The following PDE1C variants were observed in gnomAD, a reference collection of about 807,000 sequenced individuals.
The protein encoded by PDE1C is phosphodiesterase 1C, also known as dual specificity calcium/calmodulin-dependent 3',5'-cyclic nucleotide phosphodiesterase 1C.
PDE1C carries 62 observed loss-of-function variants against 93.1 expected under a neutral mutation model. The observed-to-expected ratio is 0.67, with a 90% CI of 0.54 to 0.82. The LOEUF is 0.82. PDE1C is among the 40% of genes least tolerant of loss of function. PDE1C has a pLI of 0.00. For synonymous variants in PDE1C, 325 were observed against 310.1 expected (o/e 1.05, Z -0.50); for missense variants, 742 against 884.6 (o/e 0.84, Z 2.04).
At position 32,394,806 on chromosome 7, in the gene PDE1C, C is replaced by G. The variant is rs141263469; in HGVS notation, c.310+33016G>C. On this transcript the variant is annotated intron_variant, in intron 1 of 1. Transcript: ENST00000672256. ...TCCAGCCTGGGTGACAGAGCGAGAC[C>G]CTGTCTGAAAAAAATATCTAAATAA... 3.5e-3 allele frequency among the ~76,000 whole-genome samples: 525 copies of G among 152,088 alleles called. 4 individuals carry two copies. The highest frequency in any genetic ancestry group is 0.012 in the African/African-American group (507 of 41,498).
At chr7:32,189,727 A>C (rs1804106816) in intron 2 of PDE1C, among the ~76,000 whole-genome samples, 1 of 152,194 alleles carries the variant, frequency 6.6e-6, no homozygotes, top group South Asian at 2.1e-4. Context: ...AAGTAATTGA[A>C]GATTTAGGGT....
rs146773680 is a variant in PDE1C at position 32,131,353 on chromosome 7, A to G, written c.308+38432T>C. Among the ~76,000 whole-genome samples the G allele has an allele frequency of 3.0e-3, 458 of 152,282 alleles. 4 individuals carry two copies. The highest frequency in any genetic ancestry group is 0.01 in the African/African-American group (431 of 41,576). On this transcript the variant is annotated intron_variant, in intron 3 of 18. Transcript: ENST00000396193. Reference sequence around the variant, plus strand: ...ACAAGGTCTGTATTTAATCACTTCTATATCTCCAGGATCTGGCCCAGAACC... The same window carrying G: ...ACAAGGTCTGTATTTAATCACTTCTGTATCTCCAGGATCTGGCCCAGAACC...
chr7:31,623,021 C>T, the PDE1C span, among the ~76,000 whole-genome samples: 3 of 152,164 alleles, frequency 2.0e-5, no homozygotes, highest in South Asian at 2.1e-4. Flanking sequence ...GGATAAATTC[C>T]TCAACACATA....
chr7:31,979,296 A>G (rs1038960202), intron 2 of PDE1C, among the ~76,000 whole-genome samples: 1 of 152,180 alleles, frequency 6.6e-6, no homozygotes, highest in Non-Finnish European at 1.5e-5. Context: ...CAACCATGAG[A>G]ATTGGACCAG....
At chr7:32,079,450 AT>A (rs1199030718) in intron 3 of PDE1C, among the ~76,000 whole-genome samples, 1 of 152,244 alleles carries the variant, frequency 6.6e-6, no homozygotes, top group Admixed American at 6.5e-5. Flanking sequence ...GTAACAAACT[AT>A]CCTCAAAATT....
At chr7:31,958,461 CTA>C (rs375436093) in intron 2 of PDE1C, among the ~76,000 whole-genome samples, 2 of 152,224 alleles carry the variant, frequency 1.3e-5, no homozygotes, top group African/African-American at 4.8e-5. Context: ...CACTCTATGA[CTA>C]ATTCTTTTGC....
chr7:31,916,383 T>C (rs1446481867), intron 2 of PDE1C, among the ~76,000 whole-genome samples: 1 of 152,180 alleles, frequency 6.6e-6, no homozygotes, highest in African/African-American at 2.4e-5. Flanking sequence ...AATATCATGA[T>C]AACTATGATA....
intron 16 of PDE1C, chr7:31,783,698 G>A (rs1262954422): frequency 6.6e-6 from 1 of 152,032 alleles, no homozygotes; most frequent in Non-Finnish European, 1.5e-5. Context: ...AGTATACTCT[G>A]TTTTACATGA....
chr7:31,977,040 C>A (rs1047453629), intron 2 of PDE1C, among the ~76,000 whole-genome samples: 3 of 152,162 alleles, frequency 2.0e-5, no homozygotes, highest in African/African-American at 7.2e-5. Flanking sequence ...TTTTAACAAG[C>A]CTTTCAATGA....
intron 1 of PDE1C, among the ~76,000 whole-genome samples, chr7:32,417,770 G>A (rs765023679): frequency 4.6e-5 from 7 of 151,002 alleles, no homozygotes; most frequent in Admixed American, 1.3e-4. Flanking sequence ...TCTTTTAGGC[G>A]CTTTCTTCAT....
chr7:32,163,137 C>CA (rs1802023953), intron 3 of PDE1C, among the ~76,000 whole-genome samples: 1 of 152,160 alleles, frequency 6.6e-6, no homozygotes, highest in African/African-American at 2.4e-5. Flanking sequence ...GAGTAGGTGT[C>CA]CCCAGAAGTT....
chr7:32,095,293 C>T (rs756615918), intron 3 of PDE1C, among the ~76,000 whole-genome samples: 10 of 152,150 alleles, frequency 6.6e-5, no homozygotes, highest in Non-Finnish European at 1.2e-4. Context: ...AGGGGCAGAC[C>T]CTTGTCAGAG....
At chr7:31,691,426 C>CTA in the PDE1C span, among the ~76,000 whole-genome samples, 1 of 152,158 alleles carries the variant, frequency 6.6e-6, no homozygotes, top group South Asian at 2.1e-4. Context: ...ACCACTCTTG[C>CTA]TATAGTAGGA....
intron 1 of PDE1C, among the ~76,000 whole-genome samples, chr7:32,342,146 C>A (rs1783770208): frequency 6.6e-6 from 1 of 152,162 alleles, no homozygotes; most frequent in Non-Finnish European, 1.5e-5. Context: ...GAAAGGTTAG[C>A]TGACATATTT....
the PDE1C span, among the ~76,000 whole-genome samples, chr7:31,677,759 C>G: frequency 2.0e-5 from 3 of 152,058 alleles, no homozygotes; most frequent in Admixed American, 2.0e-4. Context: ...ATTTCCTCAG[C>G]AATTAAGCAT....
intron 9 of PDE1C, among the ~76,000 whole-genome samples, chr7:31,845,493 A>G (rs979416724): frequency 6.6e-5 from 10 of 152,052 alleles, no homozygotes; most frequent in African/African-American, 2.4e-4. Flanking sequence ...ATCACTGGAC[A>G]CAAGGAGGGA....
the PDE1C span, among the ~76,000 whole-genome samples, chr7:31,705,124 G>T: frequency 2.0e-5 from 3 of 152,144 alleles, no homozygotes; most frequent in Non-Finnish European, 4.4e-5. Context: ...GTGCTCTTGT[G>T]GACAGCCCAG....
chr7:31,713,046 T>C, the PDE1C span, among the ~76,000 whole-genome samples: 2 of 152,170 alleles, frequency 1.3e-5, no homozygotes, highest in Admixed American at 1.3e-4. Flanking sequence ...CAATCATGTC[T>C]TTTCAACAGT....
intron 3 of PDE1C, among the ~76,000 whole-genome samples, chr7:32,133,494 T>G (rs1392661040): frequency 1.3e-5 from 2 of 152,164 alleles, no homozygotes; most frequent in Non-Finnish European, 2.9e-5. Flanking sequence ...GGGAAAATCC[T>G]GGGGCATCCA....
Sources: gnomAD v4.1 joint callset for allele counts (sites outside exome capture counted in the v4.1 genomes callset) on GRCh38, gnomAD v4.1.1 for gene constraint, MANE v1.5 for transcripts, NCBI Gene and HGNC (gene_info 2026-07-23, HGNC 2026-07-21) for gene names.